GNB1: variants seen among roughly 807,000 people sequenced by gnomAD.
The protein encoded by GNB1 is G protein subunit beta 1.
A neutral mutation model predicts 42.9 loss-of-function variants in GNB1; 2 were observed. The observed-to-expected ratio is 0.05, with a 90% CI of 0.02 to 0.15. The LOEUF (loss-of-function observed/expected upper bound fraction) is 0.15. Ranked by LOEUF, GNB1 falls within the 10% of genes least tolerant of loss-of-function variation. The pLI is 1.00. For synonymous variants in GNB1, 183 were observed against 174.7 expected, an observed-to-expected ratio of 1.05 and a Z score of -0.38; for missense variants, 193 against 462.2, an observed-to-expected ratio of 0.42 and a Z score of 5.34.
chr1:1,817,574 TAAGAC>T (rs1314221637), intron 4 of GNB1: 8 of 306,020 alleles, frequency 2.6e-5, no homozygotes, highest in Admixed American at 4.6e-5. Context: ...CAAAATATCT[TAAGAC>T]AATAACAATA....
At chr1:1,810,045 C>A (rs926801883) in intron 5 of GNB1, among the ~76,000 whole-genome samples, 2 of 151,654 alleles carry the variant, frequency 1.3e-5, no homozygotes, top group Non-Finnish European at 2.9e-5. Flanking sequence ...CCAACATGGG[C>A]AACAAAGGGA....
intron 1 of GNB1, among the ~76,000 whole-genome samples, chr1:1,879,255 A>C (rs1325373862): frequency 1.3e-5 from 2 of 152,124 alleles, no homozygotes; most frequent in African/African-American, 4.8e-5. Context: ...CCCCCTCTAC[A>C]TCCTCAACTA....
intron 1 of GNB1, among the ~76,000 whole-genome samples, chr1:1,890,143 G>C (rs1055817532): frequency 2.0e-5 from 3 of 152,042 alleles, no homozygotes; most frequent in African/African-American, 7.2e-5. Flanking sequence ...GCGCCGGACA[G>C]ACCCGGGCCT....
chr1:1,839,023 A>C (rs1165377139), intron 2 of GNB1, among the ~76,000 whole-genome samples, 167 bp downstream of exon 2: 1 of 152,216 alleles, frequency 6.6e-6, no homozygotes, highest in Non-Finnish European at 1.5e-5. Context: ...CAGGATGCTG[A>C]GGTGAGAGAA....
chr1:1,820,623 C>G (rs1646919384), intron 3 of GNB1, among the ~76,000 whole-genome samples: 1 of 152,076 alleles, frequency 6.6e-6, no homozygotes, highest in African/African-American at 2.4e-5. Flanking sequence ...AAATACTATT[C>G]TTGTTGATGT....
chr1:1,838,911 G>C (rs1277441221), intron 2 of GNB1, among the ~76,000 whole-genome samples: 1 of 152,106 alleles, frequency 6.6e-6, no homozygotes, highest in Non-Finnish European at 1.5e-5. Flanking sequence ...GGATCAAATT[G>C]TTTTGAAAAC....
intron 1 of GNB1, among the ~76,000 whole-genome samples, chr1:1,852,112 A>G (rs1279735674): frequency 2.0e-5 from 3 of 152,106 alleles, no homozygotes; most frequent in African/African-American, 7.2e-5. Flanking sequence ...GGTTGAATAT[A>G]TAAAAAGAGA....
intron 1 of GNB1, among the ~76,000 whole-genome samples, chr1:1,844,746 C>CT (rs1367140076): frequency 1.3e-5 from 2 of 152,200 alleles, no homozygotes; most frequent in African/African-American, 4.8e-5. Context: ...ATTAGGCAGA[C>CT]TTTCTCACAT....
At chr1:1,844,977 C>A (rs899489621) in intron 1 of GNB1, among the ~76,000 whole-genome samples, 11 of 152,160 alleles carry the variant, frequency 7.2e-5, no homozygotes, top group Non-Finnish European at 1.2e-4. Context: ...TTCAAAAACA[C>A]ACTGAACAAC....
At chr1:1,862,200 A>G (rs2101660621) in intron 1 of GNB1, among the ~76,000 whole-genome samples, 1 of 152,322 alleles carries the variant, frequency 6.6e-6, no homozygotes, top group East Asian at 1.9e-4. Flanking sequence ...CCGCCTGGGT[A>G]ACAGAGTAAA....
chr1:1,870,724 C>G (rs1306427838), intron 1 of GNB1, among the ~76,000 whole-genome samples: 1 of 152,118 alleles, frequency 6.6e-6, no homozygotes, highest in Non-Finnish European at 1.5e-5. Context: ...TACCTGAGGT[C>G]AGGAGTTCAA....
chr1:1,851,022 C>T (rs1222848327), intron 1 of GNB1, among the ~76,000 whole-genome samples: 1 of 152,210 alleles, frequency 6.6e-6, no homozygotes, highest in African/African-American at 2.4e-5. Flanking sequence ...GTAATCCCAG[C>T]ACTTTGGGAG....
At chr1:1,806,868 G>C (rs2100731203) in intron 5 of GNB1, among the ~76,000 whole-genome samples, 1 of 152,266 alleles carries the variant, frequency 6.6e-6, no homozygotes, top group South Asian at 2.1e-4. Flanking sequence ...CAGCTACTCG[G>C]GAGGCTGAGG....
intron 5 of GNB1, 80 bp from the exon 6 acceptor site, chr1:1,806,618 C>T (rs894173154): frequency 1.1e-6 from 1 of 892,746 alleles, no homozygotes; most frequent in Non-Finnish European, 1.8e-6. Context: ...AAAACCCAGA[C>T]TCTGGTGGCT....
At chr1:1,823,958 C>CT (rs1646965050) in intron 3 of GNB1, among the ~76,000 whole-genome samples, 1 of 152,112 alleles carries the variant, frequency 6.6e-6, no homozygotes, top group African/African-American at 2.4e-5. Context: ...CCTCAACCTC[C>CT]TGGGCTCAAG....
Position 1,886,642 on chromosome 1 carries a change from TA to T in GNB1, c.-96+4177del, listed in dbSNP as rs537374954. On this transcript the variant is annotated intron_variant, in intron 1 of 11. Coordinates refer to ENST00000378609, the MANE Select transcript of GNB1 (RefSeq NM_002074.5). ...ACACTTAACTGAATTGCCTACTTCATAATCTCTCCAACCACTCTTAACAAAT... is the reference window on the plus strand; with the variant it reads ...ACACTTAACTGAATTGCCTACTTCATATCTCTCCAACCACTCTTAACAAAT... 3.1e-3 allele frequency among the ~76,000 whole-genome samples: 479 copies of T among 152,362 alleles called. 5 individuals carry two copies. Among genetic ancestry groups the T allele is most frequent in the African/African-American group, 0.011 (460 of 41,586 alleles).
chr1:1,819,539 A>C (rs1251165373), intron 3 of GNB1, among the ~76,000 whole-genome samples: 1 of 149,804 alleles, frequency 6.7e-6, no homozygotes, highest in Non-Finnish European at 1.5e-5. Flanking sequence ...TTTTTAAACT[A>C]TGTATTTATT....
chr1:1,876,512 AGAGC>A (rs1553206480), intron 1 of GNB1, among the ~76,000 whole-genome samples: 3 of 151,788 alleles, frequency 2.0e-5, no homozygotes, highest in Non-Finnish European at 2.9e-5. Context: ...AGAGAGAGAG[AGAGC>A]GAGCGTGCAT....
rs908532007 is a variant in GNB1 at position 1,785,407 on chromosome 1, G to C, written c.*1656C>G. The C allele has an allele frequency of 2.0e-5, 3 of 152,716 alleles. No individual in the cohort carries two copies. The highest frequency in any genetic ancestry group is 6.5e-5 in the Admixed American group (1 of 15,280). 9.5% of individuals were successfully genotyped at this position (152,716 alleles called of 1,614,324 possible). The stretch of plus-strand genomic sequence containing the variant: ...AAAATTAAATACAAAAGGTGGAAAG[G>C]GGTAAGGGTGCAGAGAGCTCTACAG... On this transcript the variant is annotated 3_prime_UTR_variant, in exon 12 of 12. Coordinates refer to ENST00000378609, the MANE Select transcript of GNB1 (RefSeq NM_002074.5).
Sources: allele counts gnomAD v4.1 joint callset (sites outside exome capture counted in the v4.1 genomes callset), GRCh38; gene constraint gnomAD v4.1.1; transcripts MANE v1.5; gene names NCBI Gene and HGNC (gene_info 2026-07-23, HGNC 2026-07-21).